TNFSF4: variants seen among roughly 807,000 people sequenced by gnomAD.
TNFSF4 encodes tumor necrosis factor ligand superfamily member 4.
Under a neutral mutation model 7.3 loss-of-function variants are expected in TNFSF4, and 4 were observed. The observed-to-expected ratio is 0.55, with a 90% confidence interval of 0.27 to 1.25. TNFSF4 has a LOEUF of 1.25. Ranked by LOEUF, TNFSF4 falls within the 50% of genes most tolerant of loss-of-function variation. The probability of loss-of-function intolerance (pLI) is 0.12; values close to 1 mark genes in which losing one functional copy is unlikely to be tolerated. For synonymous variants in TNFSF4, 76 were observed against 83.7 expected (o/e 0.91, Z 0.50); for missense variants, 181 against 208.8 (o/e 0.87, Z 0.82).
chr1:173,317,602 G>T, the TNFSF4 span, among the ~76,000 whole-genome samples: 1 of 152,066 alleles, frequency 6.6e-6, no homozygotes, highest in South Asian at 2.1e-4. Context: ...TAATACTTAA[G>T]AAATAATTTG....
At chr1:173,206,926 C>A (rs1434237403) in intron 1 of TNFSF4, 98 bp downstream of exon 1, 3 of 1,392,086 alleles carry the variant, frequency 2.2e-6, no homozygotes, top group South Asian at 3.2e-5. Flanking sequence ...AAACTCAACA[C>A]TTTTGGCATA....
the TNFSF4 span, among the ~76,000 whole-genome samples, chr1:173,441,230 CTTCT>C: frequency 2.0e-5 from 3 of 152,086 alleles, no homozygotes; most frequent in Non-Finnish European, 4.4e-5. Context: ...TCCCTACTTG[CTTCT>C]TTTACTTCTC....
the TNFSF4 span, among the ~76,000 whole-genome samples, chr1:173,340,852 C>G: frequency 6.6e-6 from 1 of 152,098 alleles, no homozygotes; most frequent in Non-Finnish European, 1.5e-5. Flanking sequence ...GCTGCATAGT[C>G]TTGGTGATAT....
chr1:173,391,447 A>C, the TNFSF4 span, among the ~76,000 whole-genome samples: 2 of 129,326 alleles, frequency 1.5e-5, no homozygotes, highest in Admixed American at 7.6e-5. Flanking sequence ...AAAAAAAAAA[A>C]AAAAAAAAAA....
At chr1:173,243,248 T>C in the TNFSF4 span, among the ~76,000 whole-genome samples, 3 of 152,354 alleles carry the variant, frequency 2.0e-5, no homozygotes, top group East Asian at 5.8e-4. Flanking sequence ...ATAAAACTAC[T>C]GATCCAGCTG....
At chr1:173,441,277 C>T in the TNFSF4 span, among the ~76,000 whole-genome samples, 1 of 152,060 alleles carries the variant, frequency 6.6e-6, no homozygotes, top group African/African-American at 2.4e-5. Context: ...TTTTTCCCCT[C>T]CCTTCTCTTT....
chr1:173,238,965 T>C, the TNFSF4 span, among the ~76,000 whole-genome samples: 1 of 152,120 alleles, frequency 6.6e-6, no homozygotes, highest in Admixed American at 6.5e-5. Flanking sequence ...TAATTCAAAC[T>C]CCAATTCTGC....
the TNFSF4 span, among the ~76,000 whole-genome samples, chr1:173,242,932 C>G: frequency 7.2e-6 from 1 of 138,738 alleles, no homozygotes; most frequent in Non-Finnish European, 1.5e-5. Context: ...TATTAGAAAG[C>G]TAAGACACAT....
chr1:173,274,388 C>T, the TNFSF4 span, among the ~76,000 whole-genome samples: 1 of 152,044 alleles, frequency 6.6e-6, no homozygotes, highest in Admixed American at 6.6e-5. Flanking sequence ...TGCTGTACTT[C>T]TATAAAAATG....
At chr1:173,361,772 C>G in the TNFSF4 span, among the ~76,000 whole-genome samples, 1,975 of 152,256 alleles carry the variant, frequency 0.013, 45 homozygotes, top group African/African-American at 0.045. Context: ...TTTGATCAAG[C>G]TACAAACCTA....
At chr1:173,444,989 G>A in the TNFSF4 span, among the ~76,000 whole-genome samples, 2 of 152,186 alleles carry the variant, frequency 1.3e-5, no homozygotes, top group African/African-American at 4.8e-5. Flanking sequence ...TACCTGAAGT[G>A]ACAGATGTGG....
the TNFSF4 span, among the ~76,000 whole-genome samples, chr1:173,286,166 T>C: frequency 4.6e-5 from 7 of 152,186 alleles, no homozygotes; most frequent in Non-Finnish European, 8.8e-5. Context: ...TACAATGTCA[T>C]TTCACCTCAT....
At chr1:173,322,397 T>A in the TNFSF4 span, among the ~76,000 whole-genome samples, 1 of 151,962 alleles carries the variant, frequency 6.6e-6, no homozygotes, top group African/African-American at 2.4e-5. Flanking sequence ...AAAACCTAGA[T>A]GATGGGGGGT....
At chr1:173,214,809 T>C in the TNFSF4 span, among the ~76,000 whole-genome samples, 1 of 152,220 alleles carries the variant, frequency 6.6e-6, no homozygotes, top group African/African-American at 2.4e-5. Flanking sequence ...CATTCAATCC[T>C]CCTGCGAACA....
the TNFSF4 span, among the ~76,000 whole-genome samples, chr1:173,244,766 T>C: frequency 6.6e-6 from 1 of 152,080 alleles, no homozygotes. Flanking sequence ...TGGATATGCA[T>C]ACACAATAAG....
chr1:173,255,649 G>A, the TNFSF4 span, among the ~76,000 whole-genome samples: 1 of 152,198 alleles, frequency 6.6e-6, no homozygotes, highest in Non-Finnish European at 1.5e-5. Flanking sequence ...TTACACTGTT[G>A]ACTAGTTAGA....
chr1:173,241,035 T>G, the TNFSF4 span, among the ~76,000 whole-genome samples: 1 of 152,230 alleles, frequency 6.6e-6, no homozygotes, highest in Non-Finnish European at 1.5e-5. Flanking sequence ...TTTCTTGATT[T>G]GTAGGAGTTT....
the TNFSF4 span, among the ~76,000 whole-genome samples, chr1:173,343,647 T>G: frequency 6.6e-6 from 1 of 152,214 alleles, no homozygotes. Flanking sequence ...AGAGTAACCC[T>G]TTTTCATACT....
the TNFSF4 span, among the ~76,000 whole-genome samples, chr1:173,359,739 T>TAA: frequency 1.2e-3 from 177 of 152,348 alleles, no homozygotes; most frequent in Non-Finnish European, 2.2e-3. Flanking sequence ...CACTAGCCTT[T>TAA]AAGGGCAGGT....
Sources: gnomAD v4.1 joint callset for allele counts (sites outside exome capture counted in the v4.1 genomes callset) on GRCh38, gnomAD v4.1.1 for gene constraint, MANE v1.5 for transcripts, NCBI Gene and HGNC (gene_info 2026-07-23, HGNC 2026-07-21) for gene names.